KLHL21: variants seen among roughly 807,000 people sequenced by gnomAD.
The protein encoded by KLHL21 is kelch like family member 21, also known as kelch-like protein 21.
Under a neutral mutation model 44.1 loss-of-function variants are expected in KLHL21, and 42 were observed. The observed-to-expected ratio is 0.95, with a 90% CI of 0.74 to 1.23. The LOEUF (loss-of-function observed/expected upper bound fraction) is 1.23. Ranked by LOEUF, KLHL21 falls within the 50% of genes most tolerant of loss-of-function variation. The probability of loss-of-function intolerance (pLI) is 0.00; values close to 1 mark genes in which losing one functional copy is unlikely to be tolerated. For synonymous variants in KLHL21, 524 were observed against 411.6 expected, an observed-to-expected ratio of 1.27 and a Z score of -3.31; for missense variants, 918 against 889.1, an observed-to-expected ratio of 1.03 and a Z score of -0.41.
Position 6,602,785 on chromosome 1 carries a change from G to A in KLHL21, c.33C>T (p.Pro11=), listed in dbSNP as rs886967545. The A allele has an allele frequency of 1.1e-5, 16 of 1,475,584 alleles. No homozygotes were observed. Among genetic ancestry groups the A allele is most frequent in the African/African-American group, 5.9e-5 (4 of 67,516 alleles). 91.4% of individuals were successfully genotyped at this position (1,475,584 alleles called of 1,614,324 possible). ...TCAGGGCGTGCGCGGGGTCCGAGAA[G>A]GGAAGCACGGCCAGGGGCGCCGGTC... MERPAPLAVL[P]FSDPAHALSL... The change falls in exon 1 of 4, where the codon CCC becomes CCT. Residue 11 remains proline, a synonymous_variant. Transcript: ENST00000377658.
chr1:6,600,328 C>T (rs1640998174), intron 1 of KLHL21, among the ~76,000 whole-genome samples: 2 of 152,120 alleles, frequency 1.3e-5, no homozygotes, highest in South Asian at 2.1e-4. Flanking sequence ...TTACAAAGAG[C>T]CACTGCACCC....
chr1:6,592,320 CTACTTTGGG>C lies in KLHL21; in HGVS notation c.*1036_*1044del, dbSNP rs1035303736. 1 of 152,248 alleles carries C rather than the reference CTACTTTGGG, an allele frequency of 6.6e-6. No homozygotes were observed. The highest frequency in any genetic ancestry group is 2.4e-5 in the African/African-American group (1 of 41,470). 9.4% of individuals were successfully genotyped at this position (152,248 alleles called of 1,614,324 possible). The stretch of plus-strand genomic sequence containing the variant: ...GCAAGGACAAAAACTCAAGCCAAGG[CTACTTTGGG>C]TACTTTGAGGGGAAACTGACCATTT... On this transcript the variant is annotated 3_prime_UTR_variant, in exon 4 of 4. Coordinates refer to ENST00000377658, the MANE Select transcript of KLHL21 (RefSeq NM_014851.4).
rs985387870 is a variant in KLHL21 at position 6,602,674 on chromosome 1, C to A, written c.144G>T (p.Pro48=). 6.6e-7 allele frequency: 1 copy of A among 1,511,872 alleles called. No homozygotes were observed. The highest frequency in any genetic ancestry group is 2.1e-5 in the Admixed American group (1 of 48,752). 93.7% of individuals were successfully genotyped at this position (1,511,872 alleles called of 1,614,324 possible). ...TLEAAGGRDF[P]AHRAVLAAAS... ...CGGCGGCCAGCACCGCACGGTGCGC[C>A]GGGAAGTCGCGCCCGCCCGCCGCCT... is the stretch of plus-strand genomic sequence containing the variant. The change falls in exon 1 of 4, where the codon CCG becomes CCT. Residue 48 remains proline (P), a synonymous_variant. Coordinates refer to ENST00000377658, the MANE Select transcript of KLHL21 (RefSeq NM_014851.4).
rs773666723 is a variant in KLHL21, at chr1:6,601,978, C to T, written c.840G>A (p.Pro280=). The T allele has an allele frequency of 1.3e-6, 2 of 1,553,510 alleles. No homozygotes were observed. Among genetic ancestry groups the T allele is most frequent in the East Asian group, 2.4e-5 (1 of 41,042 alleles). ...RGPCPRMRPR[P]STGLAEILVL... ...CGAGGATCTCGGCGAGACCGGTGGA[C>T]GGGCGAGGACGCATTCGGGGACAGG... Residue 280 remains proline (P), a synonymous_variant, in exon 1 of 4, where the codon CCG becomes CCA. Coordinates refer to ENST00000377658, the MANE Select transcript of KLHL21 (RefSeq NM_014851.4).
Position 6,602,866 on chromosome 1 carries a change from A to C in KLHL21, c.-49T>G, listed in dbSNP as rs1047034757. On this transcript the variant is annotated 5_prime_UTR_variant, in exon 1 of 4. Transcript: ENST00000377658. Reference sequence around the variant, plus strand: ...GACGCCGCGGCCGGGGCCTGCGGAGAGACGCGGCGCGCTAGGCACCGCTGC... The same window carrying C: ...GACGCCGCGGCCGGGGCCTGCGGAGCGACGCGGCGCGCTAGGCACCGCTGC... 5 of 1,358,576 alleles carry C rather than the reference A, an allele frequency of 3.7e-6. No homozygotes were observed. The African/African-American group carries it at 6.3e-5, about 17-fold the overall frequency. The allele number at this position is 1,358,576 out of a possible 1,614,324, so 84.2% of individuals were successfully genotyped here. A position where few individuals can be genotyped will look rare whatever the true frequency, so the allele number is the denominator to read the frequency against.
At position 6,599,020 on chromosome 1, in the gene KLHL21, C is replaced by G. The variant is rs1317388073; in HGVS notation, c.1427+27G>C. 4 of 1,545,462 alleles carry G rather than the reference C, an allele frequency of 2.6e-6. No individual in the cohort carries two copies. The Admixed American group carries it at 7.6e-5, about 29-fold the overall frequency. On this transcript the variant is annotated intron_variant, in intron 2 of 3. Transcript: ENST00000377658. The stretch of plus-strand genomic sequence containing the variant: ...GGCCTGGTAAGAGACACCAAACACA[C>G]AGTGGGGCTCGGCACCTGGAACTCA...
rs766962294 is a variant in KLHL21, at chr1:6,593,338, C to T, written c.*27G>A. 1.2e-5 allele frequency: 19 copies of T among 1,542,586 alleles called. No individual in the cohort carries two copies. The highest frequency in any genetic ancestry group is 2.2e-4 in the Middle Eastern group (1 of 4,578). On this transcript the variant is annotated 3_prime_UTR_variant, in exon 4 of 4. Transcript: ENST00000377658. ...CCGCAGAGGTGCCAGTTACCTGCAC[C>T]GAGGCCCGTGCCGGGCCAGACTGGG...
At chr1:6,595,723 T>C (rs1640918177) in intron 2 of KLHL21, among the ~76,000 whole-genome samples, 166 bp from the exon 3 acceptor site, 2 of 152,180 alleles carry the variant, frequency 1.3e-5, no homozygotes, top group African/African-American at 4.8e-5. Flanking sequence ...CCCCAGCTCT[T>C]AGGAGCCAAT....
intron 2 of KLHL21, among the ~76,000 whole-genome samples, chr1:6,597,935 G>A (rs1640950083): frequency 6.6e-6 from 1 of 152,250 alleles, no homozygotes. Flanking sequence ...ACCAGCCGGA[G>A]GCAGCATTTG....
Position 6,593,380 on chromosome 1 carries a change from G to C in KLHL21, c.1779C>G (p.Pro593=), listed in dbSNP as rs141252990. The change falls in exon 4 of 4, where the codon CCC becomes CCG. Residue 593 remains proline, a synonymous_variant. Coordinates refer to ENST00000377658, the MANE Select transcript of KLHL21 (RefSeq NM_014851.4). ...CAGACTGGGGCTAGTGCAGCTCATCGGGGTCCCGCGGCGGCCGGGGTCGGC... is the reference window on the plus strand; with the variant it reads ...CAGACTGGGGCTAGTGCAGCTCATCCGGGTCCCGCGGCGGCCGGGGTCGGC... The part of the protein sequence containing the change: ...DPGRPRPPRD[P]DELH 7.6e-5 allele frequency: 122 copies of C among 1,597,822 alleles called. No homozygotes were observed. Among genetic ancestry groups the C allele is most frequent in the Non-Finnish European group, 1.0e-4 (120 of 1,172,586 alleles).
At position 6,593,623 on chromosome 1, in the gene KLHL21, C is replaced by A. The variant is rs779589785; in HGVS notation, c.1536G>T (p.Gly512=). ...CGTATCCCCCAGAGACGTACAGCTT[C>A]CCCCCAAGGACGGCCAGGCTGCCCC... ...HVGGSLAVLG[G]KLYVSGGYDN... Residue 512 remains glycine (G), a synonymous_variant, in exon 4 of 4, where the codon GGG becomes GGT. Transcript: ENST00000377658. The A allele has an allele frequency of 1.2e-5, 19 of 1,599,038 alleles. No individual in the cohort carries two copies. The highest frequency in any genetic ancestry group is 1.6e-5 in the Non-Finnish European group (19 of 1,170,086).
At chr1:6,595,449 C>G (rs1261386614) in intron 3 of KLHL21, 36 bp downstream of exon 3, 1 of 1,606,330 alleles carries the variant, frequency 6.2e-7, no homozygotes, top group Non-Finnish European at 8.5e-7. Context: ...TCAGGACCAG[C>G]CTGTGCTTCC....
intron 2 of KLHL21, among the ~76,000 whole-genome samples, chr1:6,597,093 C>T (rs1640937896): frequency 6.6e-6 from 1 of 152,244 alleles, no homozygotes; most frequent in South Asian, 2.1e-4. Flanking sequence ...CAGGCTGAGC[C>T]TGGGCGCCCC....
chr1:6,599,501 C>T, intron 1 of KLHL21, 49 bp from the exon 2 acceptor site: 1 of 1,535,662 alleles, frequency 6.5e-7, no homozygotes, highest in Non-Finnish European at 8.8e-7. Flanking sequence ...AGGTGAGTCA[C>T]CCACCTGCAC....
chr1:6,601,822 C>A lies in KLHL21; in HGVS notation c.996G>T (p.Ala332=). The change falls in exon 1 of 4, where the codon GCG becomes GCT. Residue 332 remains alanine, a synonymous_variant. Transcript: ENST00000377658. Reference sequence around the variant, plus strand: ...CCGTCACGTAGATGTCATTGCCCAGCGCCACGATGCTGTAGCCTCCGCCCA... The same window carrying A: ...CCGTCACGTAGATGTCATTGCCCAGAGCCACGATGCTGTAGCCTCCGCCCA... ...DHLGGGYSIV[A]LGNDIYVTGG... is the part of the protein sequence containing the mutation. 2 of 1,583,212 alleles carry A rather than the reference C, an allele frequency of 1.3e-6. No homozygotes were observed. The highest frequency in any genetic ancestry group is 1.7e-6 in the Non-Finnish European group (2 of 1,164,696).
Position 6,593,557 on chromosome 1 carries a change from G to C in KLHL21, c.1602C>G (p.Asp534Glu). 1 of 1,613,996 alleles carries C rather than the reference G, an allele frequency of 6.2e-7. No individual in the cohort carries two copies. Among genetic ancestry groups the C allele is most frequent in the South Asian group, 1.1e-5 (1 of 91,090 alleles). ...CCACGCTCCACGCGCGAGTCTCTGG[G>C]TCATAGGCCTCTACCACGTCCGAGA... ...FELSDVVEAY[D>E]PETRAWSVVG... is the part of the protein sequence containing the mutation. Residue 534 changes from aspartate (D) to glutamate (E), a missense_variant, in exon 4 of 4, where the codon GAC becomes GAG. Asp to Glu is a conservative substitution (Grantham distance 45, BLOSUM62 2). Coordinates refer to ENST00000377658, the MANE Select transcript of KLHL21 (RefSeq NM_014851.4).
chr1:6,599,887 A>C (rs1640990401), intron 1 of KLHL21: 1 of 173,124 alleles, frequency 5.8e-6, no homozygotes, highest in Non-Finnish European at 1.2e-5. Context: ...TGCCAGGACA[A>C]GATGAGCGGA....
intron 1 of KLHL21, 46 bp from the exon 2 acceptor site, chr1:6,599,498 T>C (rs1215626625): frequency 7.7e-6 from 12 of 1,555,058 alleles, no homozygotes; most frequent in Non-Finnish European, 1.0e-5. Flanking sequence ...CTCAGGTGAG[T>C]CACCCACCTG....
At chr1:6,593,899 C>A in intron 3 of KLHL21, 1 of 1,299,306 alleles carries the variant, frequency 7.7e-7, no homozygotes, top group Non-Finnish European at 9.8e-7. Context: ...CGCCAGGCCT[C>A]CCCGTGTGCA....
Sources: gnomAD v4.1 joint callset for allele counts (sites outside exome capture counted in the v4.1 genomes callset) on GRCh38, gnomAD v4.1.1 for gene constraint, MANE v1.5 for transcripts, NCBI Gene and HGNC (gene_info 2026-07-23, HGNC 2026-07-21) for gene names.